The following COLGALT2 variants were observed in gnomAD, a reference collection of about 807,000 sequenced individuals.
COLGALT2 encodes procollagen galactosyltransferase 2.
In COLGALT2, 49 loss-of-function variants were observed where a neutral mutation model predicts 73.4. The observed-to-expected ratio is 0.67, with a 90% confidence interval of 0.53 to 0.85. The LOEUF (loss-of-function observed/expected upper bound fraction) is 0.85, where lower values mean the gene tolerates loss of function less well. Ranked by LOEUF, COLGALT2 falls within the 40% of genes least tolerant of loss-of-function variation. The pLI is 0.00. For missense variants in COLGALT2, 722 were observed against 790.2 expected (o/e 0.91, Z 1.03); for synonymous variants, 295 against 307.6 (o/e 0.96, Z 0.43).
intron 1 of COLGALT2, among the ~76,000 whole-genome samples, chr1:183,980,826 GCAAA>G (rs1336905349): frequency 6.6e-6 from 1 of 152,034 alleles, no homozygotes; most frequent in African/African-American, 2.4e-5. Context: ...TGAAGTATTA[GCAAA>G]CAGAGTCCAA....
chr1:184,004,335 A>C (rs1672012100), intron 1 of COLGALT2, among the ~76,000 whole-genome samples: 1 of 152,208 alleles, frequency 6.6e-6, no homozygotes, highest in South Asian at 2.1e-4. Flanking sequence ...ATAACTACCC[A>C]CTTTGCAAAA....
Position 183,937,824 on chromosome 1 carries a change from CTCTG to C in COLGALT2, c.*933_*936del. 2.0e-6 allele frequency: 2 copies of C among 985,442 alleles called. No individual in the cohort carries two copies. The highest frequency in any genetic ancestry group is 2.4e-6 in the Non-Finnish European group (2 of 829,932). The allele number at this position is 985,442 out of a possible 1,614,324, so 61.0% of individuals were successfully genotyped here. On this transcript the variant is annotated 3_prime_UTR_variant, in exon 12 of 12. Transcript: ENST00000361927. ...GGATAGTTGCTGGCCTGAAAATGTG[CTCTG>C]TCTCTTAGCAGTGACTCACAGAACT...
intron 1 of COLGALT2, among the ~76,000 whole-genome samples, chr1:184,006,801 T>C (rs1164118016): frequency 6.6e-6 from 1 of 152,106 alleles, no homozygotes; most frequent in East Asian, 1.9e-4. Flanking sequence ...AAACAACCCA[T>C]ATACAAGTTG....
chr1:184,005,943 A>C (rs1461717700), intron 1 of COLGALT2, among the ~76,000 whole-genome samples: 3 of 152,310 alleles, frequency 2.0e-5, no homozygotes, highest in Non-Finnish European at 2.9e-5. Flanking sequence ...GAAGGGTTTT[A>C]GGTATCTAAG....
At chr1:183,994,707 G>A (rs1381500519) in intron 1 of COLGALT2, among the ~76,000 whole-genome samples, 1 of 152,128 alleles carries the variant, frequency 6.6e-6, no homozygotes. Context: ...CGCCCGCCTT[G>A]GCCTCCCAAA....
rs1339775973 is a variant in COLGALT2, at chr1:183,945,711, C to T, written c.1137-147G>A. On this transcript the variant is annotated intron_variant, in intron 8 of 11. Transcript: ENST00000361927. ...TCCCTTTATTCCTTAGAAGTTCCTC[C>T]AGGCTAATGTGTCACACTAGTATTA... is the stretch of plus-strand genomic sequence containing the variant. 4 of 891,680 alleles carry T rather than the reference C, an allele frequency of 4.5e-6. No homozygotes were observed. In the South Asian group the frequency reaches 6.8e-5, roughly 15 times the overall value. The allele number at this position is 891,680 out of a possible 1,614,324, so 55.2% of individuals were successfully genotyped here. A position where few individuals can be genotyped will look rare whatever the true frequency, so the allele number is the denominator to read the frequency against.
In COLGALT2 at chr1:184,019,423, G is replaced by A. The variant is rs577334103; in HGVS notation, c.263+17672C>T. Among the ~76,000 whole-genome samples the A allele has an allele frequency of 1.7e-4, 26 of 152,268 alleles. No homozygotes were observed. In the East Asian group the frequency reaches 3.7e-3, roughly 21 times the overall value. On this transcript the variant is annotated intron_variant, in intron 1 of 11. Transcript: ENST00000361927. ...GTTTCTCATTTTAAATCAGTAATGA[G>A]TACCCTTTACCTATACTTGGGCCTG...
At chr1:184,000,072 C>G (rs1572667560) in intron 1 of COLGALT2, among the ~76,000 whole-genome samples, 1 of 152,002 alleles carries the variant, frequency 6.6e-6, no homozygotes, top group South Asian at 2.1e-4. Flanking sequence ...CTTCCTTGAT[C>G]CTTGACTTAT....
At chr1:184,034,743 G>C (rs1050688119) in intron 1 of COLGALT2, among the ~76,000 whole-genome samples, 1 of 152,114 alleles carries the variant, frequency 6.6e-6, no homozygotes, top group Admixed American at 6.5e-5. Context: ...AGAACCACGA[G>C]CTCTTATTAT....
intron 6 of COLGALT2, among the ~76,000 whole-genome samples, chr1:183,956,397 C>G (rs1021847052): frequency 6.6e-5 from 10 of 152,092 alleles, no homozygotes; most frequent in Admixed American, 6.5e-4. Flanking sequence ...CCAATAGCAG[C>G]CGAGAATATT....
Position 183,938,354 on chromosome 1 carries a change from G to C in COLGALT2, c.*407C>G. On this transcript the variant is annotated 3_prime_UTR_variant, in exon 12 of 12. Transcript: ENST00000361927. ...TAAAACGGACAAACTAGACCAATAA[G>C]TGTGGTCTAGTTGGCCTGGCTGCCT... 9.8e-7 allele frequency: 1 copy of C among 1,022,682 alleles called. No individual in the cohort carries two copies. The highest frequency in any genetic ancestry group is 1.2e-6 in the Non-Finnish European group (1 of 851,610). 63.4% of individuals were successfully genotyped at this position (1,022,682 alleles called of 1,614,324 possible).
intron 1 of COLGALT2, among the ~76,000 whole-genome samples, chr1:184,004,738 T>C (rs1161973419): frequency 1.3e-5 from 2 of 152,282 alleles, no homozygotes; most frequent in East Asian, 3.9e-4. Flanking sequence ...TCTGCTGTAC[T>C]GCAAAACAGT....
rs370713646 is a variant in COLGALT2, at chr1:183,969,462, C to T, written c.639G>A (p.Lys213=). 3.0e-5 allele frequency: 49 copies of T among 1,609,150 alleles called. 1 individual carries two copies. In the South Asian group the frequency reaches 3.3e-4, roughly 11 times the overall value. ...WCGITPKGFY[K]RTPDYVQIRE... ...GAATCTGAACGTAGTCTGGGGTCCT[C>T]TTATAGAAGCCCTGTAAAAGAGCAA... The change falls in exon 5 of 12, where the codon AAG becomes AAA. Residue 213 remains lysine, a synonymous_variant. Transcript: ENST00000361927.
chr1:183,951,147 A>C, intron 7 of COLGALT2, 34 bp from the exon 8 acceptor site: 1 of 1,472,314 alleles, frequency 6.8e-7, no homozygotes, highest in South Asian at 1.1e-5. Context: ...AAGACACATA[A>C]ATTACTCAAG....
intron 1 of COLGALT2, among the ~76,000 whole-genome samples, chr1:184,013,392 C>T (rs1040269048): frequency 2.0e-5 from 3 of 152,088 alleles, no homozygotes. Flanking sequence ...GATTTCAATA[C>T]CTGCAAGAAT....
chr1:183,974,987 T>G, intron 3 of COLGALT2, 110 bp downstream of exon 3: 2 of 728,474 alleles, frequency 2.7e-6, no homozygotes, highest in Non-Finnish European at 4.6e-6. Flanking sequence ...GGGGAGGCAC[T>G]GCCTAATCAA....
intron 6 of COLGALT2, among the ~76,000 whole-genome samples, chr1:183,960,440 C>T (rs1343876261): frequency 6.6e-6 from 1 of 152,182 alleles, no homozygotes; most frequent in Non-Finnish European, 1.5e-5. Context: ...TCTCTCTATC[C>T]CAAATTCCTA....
intron 1 of COLGALT2, among the ~76,000 whole-genome samples, chr1:184,031,817 ATCCTTCCTTCCTTCCT>A (rs57492822): frequency 0.014 from 1,947 of 139,292 alleles, 46 homozygotes; most frequent in African/African-American, 0.049. Context: ...CCATGAATGT[ATCCTTCCTTCCTTCCT>A]TCCTTCCTTC....
chr1:183,939,174 T>G, intron 11 of COLGALT2, 137 bp from the exon 12 acceptor site: 1 of 651,962 alleles, frequency 1.5e-6, no homozygotes, highest in Non-Finnish European at 2.6e-6. Flanking sequence ...GTGAAAAACT[T>G]TAGCCTACAA....
Sources: gnomAD v4.1 joint callset for allele counts (sites outside exome capture counted in the v4.1 genomes callset) on GRCh38, gnomAD v4.1.1 for gene constraint, MANE v1.5 for transcripts, NCBI Gene and HGNC (gene_info 2026-07-23, HGNC 2026-07-21) for gene names.